The following PITPNC1 variants were observed in gnomAD, a reference collection of about 807,000 sequenced individuals.
PITPNC1 encodes the protein phosphatidylinositol transfer protein cytoplasmic 1.
PITPNC1 carries 18 observed loss-of-function variants against 44.7 expected under a neutral mutation model. The observed-to-expected ratio is 0.40, with a 90% CI of 0.28 to 0.60. The LOEUF (loss-of-function observed/expected upper bound fraction) is 0.60. Among genes scored for constraint, PITPNC1 ranks in the 20% least tolerant of loss-of-function variants. PITPNC1 has a pLI of 0.39. For missense variants in PITPNC1, 290 were observed against 418.4 expected (o/e 0.69, Z 2.68); for synonymous variants, 141 against 149.6 (o/e 0.94, Z 0.42).
chr17:67,442,957 A>G (rs2039036425), intron 1 of PITPNC1, among the ~76,000 whole-genome samples: 1 of 152,028 alleles, frequency 6.6e-6, no homozygotes, highest in Non-Finnish European at 1.5e-5. Context: ...CAGCTCTCAC[A>G]CTAATCCAGG....
At chr17:67,599,010 ATATATATATATATATATATATATATTT>A (rs1229278738) in intron 5 of PITPNC1, among the ~76,000 whole-genome samples, 3 of 20,480 alleles carry the variant, frequency 1.5e-4, no homozygotes, top group Non-Finnish European at 4.1e-4. Context: ...ACATATATAT[ATATATATATATATATATATATATATTT>A]TTTTTTTTTT....
chr17:67,483,632 A>C (rs2039733076), intron 1 of PITPNC1, among the ~76,000 whole-genome samples: 1 of 152,118 alleles, frequency 6.6e-6, no homozygotes, highest in Non-Finnish European at 1.5e-5. Flanking sequence ...TATTGATTTC[A>C]AAGACTGTAA....
chr17:67,526,176 G>A (rs1369276256), intron 1 of PITPNC1, among the ~76,000 whole-genome samples: 2 of 152,286 alleles, frequency 1.3e-5, no homozygotes, highest in African/African-American at 2.4e-5. Flanking sequence ...AGATTGGTTG[G>A]TAGGAAGATG....
rs905878578 is a variant in PITPNC1, at chr17:67,567,973, AAAAG to A, written c.295-10200_295-10197del. Among the ~76,000 whole-genome samples the A allele has an allele frequency of 3.6e-4, 55 of 152,310 alleles. 2 individuals carry two copies. The highest frequency in any genetic ancestry group is 1.2e-3 in the African/African-American group (49 of 41,570). ...GGCAACAGAGTGAGACTCCATTTCA[AAAAG>A]AAAGAAAGAAAGGAGAAGAGAAGAG... On this transcript the variant is annotated intron_variant, in intron 4 of 8. Transcript: ENST00000581322.
At chr17:67,651,462 G>A (rs191405282) in intron 6 of PITPNC1, among the ~76,000 whole-genome samples, 4 of 152,046 alleles carry the variant, frequency 2.6e-5, no homozygotes, top group South Asian at 2.1e-4. Flanking sequence ...GCAGTGAGCC[G>A]AGATTGCACC....
intron 1 of PITPNC1, among the ~76,000 whole-genome samples, chr17:67,414,116 G>T (rs1396627795): frequency 2.1e-4 from 31 of 148,622 alleles, no homozygotes; most frequent in African/African-American, 5.2e-4. Flanking sequence ...AAAAAATAGA[G>T]AGAATGGTGT....
At chr17:67,507,783 C>T (rs369766678) in intron 1 of PITPNC1, among the ~76,000 whole-genome samples, 4 of 149,784 alleles carry the variant, frequency 2.7e-5, no homozygotes, top group African/African-American at 9.8e-5. Flanking sequence ...CTGGTTTGTT[C>T]TTTCTCTTAC....
At chr17:67,582,376 T>C (rs953629428) in intron 5 of PITPNC1, among the ~76,000 whole-genome samples, 5 of 152,222 alleles carry the variant, frequency 3.3e-5, no homozygotes, top group African/African-American at 1.2e-4. Context: ...ACTCTTATCA[T>C]TCAGCTACCA....
intron 2 of PITPNC1, among the ~76,000 whole-genome samples, chr17:67,544,906 A>G (rs1194813083): frequency 6.6e-6 from 1 of 152,220 alleles, no homozygotes; most frequent in Non-Finnish European, 1.5e-5. Flanking sequence ...TAGAGACAGC[A>G]TCAGAGACAT....
chr17:67,391,805 A>G (rs2038143055), intron 1 of PITPNC1, among the ~76,000 whole-genome samples: 1 of 152,154 alleles, frequency 6.6e-6, no homozygotes, highest in Admixed American at 6.5e-5. Context: ...CTTAGAGATT[A>G]AATAACCCTT....
chr17:67,426,439 T>A (rs1393054597), intron 1 of PITPNC1, among the ~76,000 whole-genome samples: 1 of 152,156 alleles, frequency 6.6e-6, no homozygotes, highest in African/African-American at 2.4e-5. Context: ...TAAAAAGGAA[T>A]GAGATCATGT....
At chr17:67,412,327 A>C (rs2038512053) in intron 1 of PITPNC1, among the ~76,000 whole-genome samples, 1 of 152,138 alleles carries the variant, frequency 6.6e-6, no homozygotes. Context: ...TCAAAATTCC[A>C]AGTAGATACT....
chr17:67,558,759 T>C (rs1250464838), intron 4 of PITPNC1, among the ~76,000 whole-genome samples: 1 of 152,176 alleles, frequency 6.6e-6, no homozygotes, highest in Non-Finnish European at 1.5e-5. Flanking sequence ...GGGTTGTCAA[T>C]GTTACCCAAC....
intron 1 of PITPNC1, among the ~76,000 whole-genome samples, chr17:67,467,404 G>T (rs965546810): frequency 6.6e-6 from 1 of 152,092 alleles, no homozygotes; most frequent in Non-Finnish European, 1.5e-5. Context: ...CAAGGTTCAG[G>T]GAGGGTGGTG....
chr17:67,639,927 C>T (rs1297491392), intron 6 of PITPNC1, among the ~76,000 whole-genome samples: 1 of 152,108 alleles, frequency 6.6e-6, no homozygotes, highest in Non-Finnish European at 1.5e-5. Flanking sequence ...CCAAATCACT[C>T]GGCTCCCTCA....
At chr17:67,379,162 G>C (rs1346495310) in intron 1 of PITPNC1, 2 of 985,832 alleles carry the variant, frequency 2.0e-6, no homozygotes, top group Admixed American at 1.2e-4. Flanking sequence ...CCAAAGCCAA[G>C]CAAGGCAACG....
intron 1 of PITPNC1, among the ~76,000 whole-genome samples, chr17:67,489,663 T>C (rs1400375087): frequency 6.6e-6 from 1 of 152,246 alleles, no homozygotes; most frequent in Non-Finnish European, 1.5e-5. Context: ...CAGGGTTCTG[T>C]AGCACCCAAG....
rs775586227 is a variant in PITPNC1, at chr17:67,531,053, G to A, written c.49-1749G>A. On this transcript the variant is annotated intron_variant, in intron 1 of 8. Transcript: ENST00000581322. ...AGCCCAGGAGTTCAAGACCAGCCTG[G>A]GCAACATGGTGAGACCCTGTCTCTA... Among the ~76,000 whole-genome samples, 22 of 152,048 alleles carry A rather than the reference G, an allele frequency of 1.4e-4. 1 individual carries two copies. Among genetic ancestry groups the A allele is most frequent in the Non-Finnish European group, 3.1e-4 (21 of 68,016 alleles).
intron 6 of PITPNC1, among the ~76,000 whole-genome samples, chr17:67,662,492 C>T (rs1173311655): frequency 1.3e-5 from 2 of 152,064 alleles, no homozygotes; most frequent in Non-Finnish European, 2.9e-5. Flanking sequence ...TTTTCATATA[C>T]TTATCTAGTT....
Sources: allele counts gnomAD v4.1 joint callset (sites outside exome capture counted in the v4.1 genomes callset), GRCh38; gene constraint gnomAD v4.1.1; transcripts MANE v1.5; gene names NCBI Gene and HGNC (gene_info 2026-07-23, HGNC 2026-07-21).